TIMP2: variants seen among roughly 807,000 people sequenced by gnomAD.
TIMP2 encodes the protein metalloproteinase inhibitor 2.
A neutral mutation model predicts 24.3 loss-of-function variants in TIMP2; 5 were observed. That is an observed-to-expected ratio of 0.21 (90% confidence interval 0.11 to 0.43). The LOEUF (loss-of-function observed/expected upper bound fraction) is 0.43. Among genes scored for constraint, TIMP2 ranks in the 20% least tolerant of loss-of-function variants. The probability of loss-of-function intolerance (pLI) is 1.00; values close to 1 mark genes in which losing one functional copy is unlikely to be tolerated. For missense variants in TIMP2, 221 were observed against 297.5 expected (o/e 0.74, Z 1.89); for synonymous variants, 130 against 123.2 (o/e 1.06, Z -0.37).
At chr17:78,890,300 C>A (rs2069868837) in intron 1 of TIMP2, among the ~76,000 whole-genome samples, 1 of 150,956 alleles carries the variant, frequency 6.6e-6, no homozygotes, top group Non-Finnish European at 1.5e-5. Flanking sequence ...CTCCCAGGTT[C>A]AAGTGATTCT....
In TIMP2 at chr17:78,870,192, G is replaced by C. The variant is rs763503394; in HGVS notation, c.340+706C>G. Among the ~76,000 whole-genome samples, 14 of 152,286 alleles carry C rather than the reference G, an allele frequency of 9.2e-5. No homozygotes were observed. The South Asian group carries it at 2.3e-3, about 25-fold the overall frequency. On this transcript the variant is annotated intron_variant, in intron 3 of 4. Transcript: ENST00000262768. ...CCACTTTGGGAGGCCGAGGTGGGTGGATCACCTGAGGTCAGGAGTTCGAGA... is the reference window on the plus strand; with the variant it reads ...CCACTTTGGGAGGCCGAGGTGGGTGCATCACCTGAGGTCAGGAGTTCGAGA...
intron 1 of TIMP2, among the ~76,000 whole-genome samples, chr17:78,921,677 G>A (rs551928119): frequency 2.5e-4 from 38 of 152,352 alleles, no homozygotes; most frequent in Non-Finnish European, 4.7e-4. Flanking sequence ...TACTGTAACT[G>A]AGACACAAAA....
intron 1 of TIMP2, among the ~76,000 whole-genome samples, chr17:78,918,434 G>A (rs2070281997): frequency 6.6e-6 from 1 of 152,192 alleles, no homozygotes; most frequent in South Asian, 2.1e-4. Context: ...ACAGGCTGCA[G>A]GGGTCCAGGC....
At chr17:78,864,199 G>C (rs1424667055) in intron 3 of TIMP2, among the ~76,000 whole-genome samples, 2 of 152,116 alleles carry the variant, frequency 1.3e-5, no homozygotes, top group Admixed American at 1.3e-4. Context: ...TCCTGCCTCA[G>C]CCTCCCAAGT....
chr17:78,886,193 T>A (rs1599156478), intron 1 of TIMP2, among the ~76,000 whole-genome samples: 1 of 152,196 alleles, frequency 6.6e-6, no homozygotes, highest in Non-Finnish European at 1.5e-5. Context: ...CCCTCCACAC[T>A]GTCTTGCTGC....
At chr17:78,871,772 G>A (rs2069687567) in intron 2 of TIMP2, among the ~76,000 whole-genome samples, 1 of 151,566 alleles carries the variant, frequency 6.6e-6, no homozygotes, top group Non-Finnish European at 1.5e-5. Context: ...CGTGAACCCA[G>A]GAGGCGGAGC....
In TIMP2 at chr17:78,894,110, T is replaced by C. The variant is rs146097914; in HGVS notation, c.131-20191A>G. On this transcript the variant is annotated intron_variant, in intron 1 of 4. Coordinates refer to ENST00000262768, the MANE Select transcript of TIMP2 (RefSeq NM_003255.5). ...TACTGCATCTACATTACAGCTAACATTAACCGTGCAGGCTCCCCTCTGAGC... is the reference window on the plus strand; with the variant it reads ...TACTGCATCTACATTACAGCTAACACTAACCGTGCAGGCTCCCCTCTGAGC... Among the ~76,000 whole-genome samples the C allele has an allele frequency of 3.3e-5, 5 of 152,280 alleles. No homozygotes were observed. The East Asian group carries it at 9.6e-4, about 29-fold the overall frequency.
At chr17:78,862,191 C>T (rs183659074) in intron 3 of TIMP2, among the ~76,000 whole-genome samples, 3 of 152,320 alleles carry the variant, frequency 2.0e-5, no homozygotes, top group African/African-American at 7.2e-5. Context: ...AGTCATCGGT[C>T]CAGGAGGAGG....
chr17:78,907,204 C>A (rs2070167770), intron 1 of TIMP2, among the ~76,000 whole-genome samples: 1 of 150,892 alleles, frequency 6.6e-6, no homozygotes, highest in South Asian at 2.1e-4. Flanking sequence ...CAGCTAAGTT[C>A]TTTAATTTTT....
At chr17:78,893,262 GGT>G (rs565507030) in intron 1 of TIMP2, among the ~76,000 whole-genome samples, 155 of 140,760 alleles carry the variant, frequency 1.1e-3, no homozygotes, top group East Asian at 6.9e-3. Flanking sequence ...TGTGTGCAGG[GGT>G]GTGTGTGTAG....
At chr17:78,907,835 A>T (rs1035828313) in intron 1 of TIMP2, among the ~76,000 whole-genome samples, 1 of 152,132 alleles carries the variant, frequency 6.6e-6, no homozygotes, top group African/African-American at 2.4e-5. Context: ...ATGTCCCCTC[A>T]TGTGTCCAAA....
intron 1 of TIMP2, chr17:78,901,673 T>C (rs2070095522): frequency 7.0e-6 from 5 of 712,940 alleles, no homozygotes; most frequent in Non-Finnish European, 1.3e-5. Context: ...GGTGCCTCAG[T>C]TTGCTCTTTA....
At chr17:78,914,521 G>A (rs931587363) in intron 1 of TIMP2, among the ~76,000 whole-genome samples, 4 of 151,810 alleles carry the variant, frequency 2.6e-5, no homozygotes, top group Non-Finnish European at 5.9e-5. Flanking sequence ...GACCTCAGGT[G>A]ATCCACCCAC....
intron 1 of TIMP2, among the ~76,000 whole-genome samples, chr17:78,881,249 T>C (rs11654470): frequency 0.14 from 21,552 of 152,262 alleles, 1,735 homozygotes; most frequent in East Asian, 0.28. Context: ...GGGGCGCCCA[T>C]AGGACCAGCA....
intron 3 of TIMP2, among the ~76,000 whole-genome samples, chr17:78,858,423 T>G (rs898556773): frequency 1.3e-5 from 2 of 151,436 alleles, no homozygotes; most frequent in African/African-American, 4.9e-5. Flanking sequence ...AGCCTGGGCC[T>G]GGGCGACAGA....
At chr17:78,877,938 C>T (rs2069743077) in intron 1 of TIMP2, among the ~76,000 whole-genome samples, 1 of 151,988 alleles carries the variant, frequency 6.6e-6, no homozygotes, top group African/African-American at 2.4e-5. Flanking sequence ...GAACTCCTGA[C>T]CTCGTGATCC....
chr17:78,880,055 G>A (rs2069765727), intron 1 of TIMP2, among the ~76,000 whole-genome samples: 1 of 152,158 alleles, frequency 6.6e-6, no homozygotes, highest in Non-Finnish European at 1.5e-5. Context: ...TCTCGGAGGG[G>A]AGCAGACAGT....
chr17:78,892,498 C>G (rs2069917654), intron 1 of TIMP2: 2 of 1,511,714 alleles, frequency 1.3e-6, no homozygotes, highest in Non-Finnish European at 1.8e-6. Flanking sequence ...TTCCAGATCG[C>G]TCCCAGGAGA....
intron 1 of TIMP2, among the ~76,000 whole-genome samples, chr17:78,909,680 G>A (rs374594638): frequency 3.3e-5 from 5 of 152,152 alleles, no homozygotes; most frequent in Non-Finnish European, 5.9e-5. Context: ...TAGGGTCACC[G>A]TAAGGCTCGG....
Sources: allele counts gnomAD v4.1 joint callset (sites outside exome capture counted in the v4.1 genomes callset), GRCh38; gene constraint gnomAD v4.1.1; transcripts MANE v1.5; gene names NCBI Gene and HGNC (gene_info 2026-07-23, HGNC 2026-07-21).